CDH18: variants seen among roughly 807,000 people sequenced by gnomAD.
The protein encoded by CDH18 is cadherin-18.
In CDH18, 31 loss-of-function variants were observed where a neutral mutation model predicts 67.9. That is an observed-to-expected ratio of 0.46 (90% CI 0.34 to 0.62). The LOEUF (loss-of-function observed/expected upper bound fraction) is 0.62, where lower values mean the gene tolerates loss of function less well. Among genes scored for constraint, CDH18 ranks in the 20% least tolerant of loss-of-function variants. The pLI is 0.01. For synonymous variants in CDH18, 362 were observed against 347.2 expected (o/e 1.04, Z -0.48); for missense variants, 890 against 975.5 (o/e 0.91, Z 1.17).
intron 5 of CDH18, among the ~76,000 whole-genome samples, chr5:19,674,969 T>C (rs1759265675): frequency 6.6e-6 from 1 of 152,066 alleles, no homozygotes; most frequent in South Asian, 2.1e-4. Flanking sequence ...TCCTTTTCTA[T>C]TTTCCCTAAG....
intron 1 of CDH18, among the ~76,000 whole-genome samples, chr5:20,486,681 G>GTA (rs750113034): frequency 0.026 from 3,189 of 122,456 alleles, 75 homozygotes; most frequent in African/African-American, 0.064. Flanking sequence ...TGCTATTTTT[G>GTA]TATATATATA....
chr5:20,016,939 G>T (rs536831953), intron 2 of CDH18, among the ~76,000 whole-genome samples: 1 of 152,190 alleles, frequency 6.6e-6, no homozygotes, highest in South Asian at 2.1e-4. Context: ...TGTAGTAATA[G>T]TGCCTTTCAT....
At chr5:19,575,189 T>A (rs936876656) in intron 7 of CDH18, among the ~76,000 whole-genome samples, 2 of 152,212 alleles carry the variant, frequency 1.3e-5, no homozygotes, top group East Asian at 3.9e-4. Flanking sequence ...GTATATTAAT[T>A]GTCATTTATC....
intron 3 of CDH18, among the ~76,000 whole-genome samples, chr5:19,796,763 A>G (rs1776901601): frequency 6.6e-6 from 1 of 152,094 alleles, no homozygotes; most frequent in African/African-American, 2.4e-5. Flanking sequence ...AAGTGAAGAA[A>G]GTCACAGAAC....
chr5:20,240,103 G>T (rs924551835), intron 2 of CDH18, among the ~76,000 whole-genome samples: 1 of 151,790 alleles, frequency 6.6e-6, no homozygotes, highest in South Asian at 2.1e-4. Flanking sequence ...CACGGCACAC[G>T]TATACATATG....
intron 2 of CDH18, among the ~76,000 whole-genome samples, chr5:20,183,778 C>T (rs1310598887): frequency 6.6e-6 from 1 of 152,104 alleles, no homozygotes. Context: ...ACCAAGCAGA[C>T]TGTTTTGCAT....
chr5:20,126,612 T>C (rs767939236), intron 2 of CDH18, among the ~76,000 whole-genome samples: 8 of 152,280 alleles, frequency 5.3e-5, no homozygotes, highest in Non-Finnish European at 1.2e-4. Context: ...TTTTCCAATT[T>C]GATAACAAAA....
chr5:20,574,095 C>T (rs1488913981), intron 1 of CDH18, among the ~76,000 whole-genome samples: 3 of 151,074 alleles, frequency 2.0e-5, no homozygotes, highest in Non-Finnish European at 3.0e-5. Context: ...ACTTCTGATA[C>T]GATTATATCA....
At chr5:19,792,342 G>A (rs974510299) in intron 3 of CDH18, among the ~76,000 whole-genome samples, 29 of 152,082 alleles carry the variant, frequency 1.9e-4, no homozygotes, top group African/African-American at 7.0e-4. Flanking sequence ...TTCAGGCTTC[G>A]TAACTTACAC....
chr5:20,045,476 A>G (rs1228215367), intron 2 of CDH18, among the ~76,000 whole-genome samples: 1 of 152,062 alleles, frequency 6.6e-6, no homozygotes, highest in Non-Finnish European at 1.5e-5. Flanking sequence ...TATAATGATG[A>G]CGATGATAAG....
chr5:20,062,082 T>C (rs1397461309), intron 2 of CDH18, among the ~76,000 whole-genome samples: 1 of 151,594 alleles, frequency 6.6e-6, no homozygotes, highest in Non-Finnish European at 1.5e-5. Context: ...CTGGAGGGGC[T>C]CAGTAAATAC....
intron 2 of CDH18, among the ~76,000 whole-genome samples, chr5:19,918,522 A>G (rs576684597): frequency 3.3e-5 from 5 of 152,320 alleles, no homozygotes; most frequent in African/African-American, 1.2e-4. Flanking sequence ...TCACATTGTA[A>G]TATTTTAAGA....
chr5:20,461,948 A>T (rs895519709), intron 1 of CDH18, among the ~76,000 whole-genome samples: 27 of 152,144 alleles, frequency 1.8e-4, no homozygotes, highest in African/African-American at 6.5e-4. Flanking sequence ...CCACTATGAA[A>T]AACAGTATAA....
chr5:20,162,165 T>C (rs997363006), intron 2 of CDH18, among the ~76,000 whole-genome samples: 1 of 152,026 alleles, frequency 6.6e-6, no homozygotes, highest in African/African-American at 2.4e-5. Flanking sequence ...GGCTTTGTTT[T>C]GTAATGTCCT....
chr5:19,804,311 A>T lies in CDH18; in HGVS notation c.228+34448T>A, dbSNP rs187538697. On this transcript the variant is annotated intron_variant, in intron 3 of 12. Coordinates refer to ENST00000382275, the MANE Select transcript of CDH18 (RefSeq NM_004934.5). ...AGCGAGATTCCATCTCAAAAAAAAA[A>T]AAATAAATAAAATAAATAAATAAGT... 3.7e-3 allele frequency among the ~76,000 whole-genome samples: 564 copies of T among 151,260 alleles called. 2 individuals carry two copies. Among genetic ancestry groups the T allele is most frequent in the East Asian group, 0.016 (83 of 5,158 alleles).
intron 1 of CDH18, among the ~76,000 whole-genome samples, chr5:20,376,798 C>T (rs1050447464): frequency 2.0e-5 from 3 of 151,966 alleles, no homozygotes; most frequent in Admixed American, 2.0e-4. Context: ...GGGAGGATCT[C>T]CTGAGTTCAG....
intron 2 of CDH18, among the ~76,000 whole-genome samples, chr5:20,152,136 C>T (rs1283626146): frequency 7.0e-6 from 1 of 142,132 alleles, no homozygotes; most frequent in South Asian, 2.2e-4. Flanking sequence ...TTATATATTA[C>T]ACAAATTATA....
At chr5:19,765,917 C>T (rs1581249875) in intron 3 of CDH18, among the ~76,000 whole-genome samples, 2 of 151,434 alleles carry the variant, frequency 1.3e-5, no homozygotes, top group South Asian at 2.1e-4. Flanking sequence ...TCTCGCTCTG[C>T]CACCCAGGCT....
chr5:20,260,033 C>T (rs745688192), intron 1 of CDH18, among the ~76,000 whole-genome samples: 1 of 151,730 alleles, frequency 6.6e-6, no homozygotes, highest in Non-Finnish European at 1.5e-5. Flanking sequence ...AAGTTCAAAA[C>T]GTCAAGAAGA....
Sources: allele counts gnomAD v4.1 joint callset (sites outside exome capture counted in the v4.1 genomes callset), GRCh38; gene constraint gnomAD v4.1.1; transcripts MANE v1.5; gene names NCBI Gene and HGNC (gene_info 2026-07-23, HGNC 2026-07-21).